ENTPD7: variants seen among roughly 807,000 people sequenced by gnomAD.
ENTPD7 encodes the protein NTPDase 7.
In ENTPD7, 53 loss-of-function variants were observed where a neutral mutation model predicts 77.9. That is an observed-to-expected ratio of 0.68 (90% CI 0.55 to 0.85). ENTPD7 has a LOEUF of 0.85. Among genes scored for constraint, ENTPD7 ranks in the 40% least tolerant of loss-of-function variants. The pLI, the probability that ENTPD7 is intolerant of heterozygous loss-of-function variation, is 0.00. For synonymous variants in ENTPD7, 248 were observed against 274.9 expected (o/e 0.90, Z 0.97); for missense variants, 636 against 743.7 (o/e 0.86, Z 1.68).
At chr10:99,684,527 T>C (rs1441588597) in intron 5 of ENTPD7, among the ~76,000 whole-genome samples, 1 of 152,204 alleles carries the variant, frequency 6.6e-6, no homozygotes, top group Non-Finnish European at 1.5e-5. Flanking sequence ...TTAATATGTA[T>C]AACAATGAAC....
In ENTPD7 at chr10:99,704,679, C is replaced by T. The variant is rs760691867; in HGVS notation, c.1811C>T (p.Pro604Leu). ...VVPMMGVQVG[P>L] ...CCCATGATGGGAGTACAGGTGGGGC[C>T]GTGAGGCTGGACCAGGACTAGAGAA... Residue 604 changes from proline to leucine, a missense_variant, in exon 13 of 13, where the codon CCG becomes CTG. Coordinates refer to ENST00000370489, the MANE Select transcript of ENTPD7 (RefSeq NM_020354.5). 80 of 1,612,634 alleles carry T rather than the reference C, an allele frequency of 5.0e-5. No individual in the cohort carries two copies. In the South Asian group the frequency reaches 8.0e-4, roughly 16 times the overall value.
At chr10:99,686,302 G>T (rs959643968) in intron 6 of ENTPD7, among the ~76,000 whole-genome samples, 1 of 152,112 alleles carries the variant, frequency 6.6e-6, no homozygotes, top group African/African-American at 2.4e-5. Flanking sequence ...TGATCAGAAT[G>T]AGTTACTTTT....
chr10:99,694,538 G>GT (rs150413650), intron 8 of ENTPD7, among the ~76,000 whole-genome samples: 108,785 of 134,368 alleles, frequency 0.81, 44,192 homozygotes, highest in Middle Eastern at 0.88. Context: ...AAGTTTTTTT[G>GT]TTTTTTTTTT....
In ENTPD7 at chr10:99,705,230, G is replaced by A. The variant is rs578102765; in HGVS notation, c.*547G>A. 1 of 158,976 alleles carries A rather than the reference G, an allele frequency of 6.3e-6. No homozygotes were observed. The highest frequency in any genetic ancestry group is 2.4e-5 in the African/African-American group (1 of 41,596). The allele number at this position is 158,976 out of a possible 1,614,324, so 9.8% of individuals were successfully genotyped here. A position where few individuals can be genotyped will look rare whatever the true frequency, so the allele number is the denominator to read the frequency against. On this transcript the variant is annotated 3_prime_UTR_variant, in exon 13 of 13. Transcript: ENST00000370489. ...GGCACCAAAATGATATAACTTCCTT[G>A]CTTCCTTGACAAAGAAGCCATCATG...
chr10:99,679,425 G>A lies in ENTPD7; in HGVS notation c.356G>A (p.Arg119Lys), dbSNP rs2035724033. The change falls in exon 4 of 13, where the codon AGA becomes AAA. Residue 119 changes from arginine to lysine, a missense_variant. Around this residue, in one of 3 missense-constraint regions of ENTPD7, gnomAD observed 486 missense variants for 556.5 expected, o/e 0.87. Transcript: ENST00000370489. ...GACTTGCTGGACATCAAACAGATGAGAGACCGCAACAGCCAACCAGTGGTT... is the reference window on the plus strand; with the variant it reads ...GACTTGCTGGACATCAAACAGATGAAAGACCGCAACAGCCAACCAGTGGTT... ...PHDLLDIKQMRDRNSQPVVKK... is the reference protein window; with the variant it reads ...PHDLLDIKQMKDRNSQPVVKK... The A allele has an allele frequency of 1.2e-6, 2 of 1,613,988 alleles. No individual in the cohort carries two copies.
intron 8 of ENTPD7, 77 bp from the exon 9 acceptor site, chr10:99,695,879 G>A (rs2035964539): frequency 7.4e-6 from 10 of 1,357,620 alleles, no homozygotes; most frequent in South Asian, 2.9e-5. Context: ...ATGAAGCCTC[G>A]TGTATTAGCA....
chr10:99,698,649 AGAG>A lies in ENTPD7; in HGVS notation c.1130_1132del (p.Gly377del). 6.2e-7 allele frequency: 1 copy of A among 1,614,204 alleles called. No individual in the cohort carries two copies. Reference sequence around the variant, plus strand: ...CAGCCAAGTCTTACATGTCCGAGGAAGAGGAGACTGGGTGTCTTGTGGGGCAAT... The same window carrying A: ...CAGCCAAGTCTTACATGTCCGAGGAAGAGACTGGGTGTCTTGTGGGGCAAT... On this transcript the variant is annotated inframe_deletion, in exon 10 of 13. Coordinates refer to ENST00000370489, the MANE Select transcript of ENTPD7 (RefSeq NM_020354.5).
In ENTPD7 at chr10:99,661,563, A is replaced by T; in HGVS notation, c.126A>T (p.Leu42Phe). ...TCTTCTTCATATCCTGTCTCCTTTT[A>T]CTTATGTTAATCATAGACTTTCGAC... Reference protein sequence around the residue: ...LGLFFISCLLLLMLIIDFRHW... With the variant: ...LGLFFISCLLFLMLIIDFRHW... Residue 42 changes from leucine to phenylalanine, a missense_variant, in exon 3 of 13, where the codon TTA (leucine) becomes TTT (phenylalanine). Physicochemically the swap from Leu to Phe is conservative, Grantham distance 22. Around this residue, in one of 3 missense-constraint regions of ENTPD7, gnomAD observed 486 missense variants for 556.5 expected, o/e 0.87. Transcript: ENST00000370489. The T allele has an allele frequency of 6.2e-7, 1 of 1,613,654 alleles. No individual in the cohort carries two copies. The highest frequency in any genetic ancestry group is 8.5e-7 in the Non-Finnish European group (1 of 1,179,888).
In ENTPD7 at chr10:99,659,715, C is replaced by T; in HGVS notation, c.-96+127C>T. 4.1e-6 allele frequency: 2 copies of T among 490,892 alleles called. No homozygotes were observed. Among genetic ancestry groups the T allele is most frequent in the Non-Finnish European group, 7.3e-6 (2 of 274,938 alleles). 30.4% of individuals were successfully genotyped at this position (490,892 alleles called of 1,614,324 possible). ...GCTGGCCCACGAGAACGCCCCGCTC[C>T]CAGGATGCCCGGGTAGGGTCCCCTG... On this transcript the variant is annotated intron_variant, in intron 1 of 12. Coordinates refer to ENST00000370489, the MANE Select transcript of ENTPD7 (RefSeq NM_020354.5). The surrounding 1 kb of genome is among the most constrained non-coding windows in gnomAD (Gnocchi z 4.1).
rs2035904231 is a variant in ENTPD7, at chr10:99,692,767, T to C, written c.843+1249T>C. On this transcript the variant is annotated intron_variant, in intron 8 of 12. Coordinates refer to ENST00000370489, the MANE Select transcript of ENTPD7 (RefSeq NM_020354.5). ...GGGGACTGGCTTTTATTTCCATAGA[T>C]AGTGGAAAACCACCAAAAGTTTTTG... Among the ~76,000 whole-genome samples the C allele has an allele frequency of 2.0e-5, 3 of 152,312 alleles. No homozygotes were observed. The South Asian group carries it at 6.2e-4, about 32-fold the overall frequency.
At chr10:99,696,155 TATA>T (rs2035972086) in intron 9 of ENTPD7, 33 bp downstream of exon 9, 1 of 1,608,034 alleles carries the variant, frequency 6.2e-7, no homozygotes, top group Non-Finnish European at 8.5e-7. Context: ...GTTTCTGAAA[TATA>T]ATGTCAGGCT....
chr10:99,675,500 T>A (rs1462469152), intron 3 of ENTPD7, among the ~76,000 whole-genome samples: 1 of 130,950 alleles, frequency 7.6e-6, no homozygotes. Context: ...TGTAACAGAG[T>A]ATGAAAAGTT....
chr10:99,669,739 G>GTTTTT, intron 3 of ENTPD7, among the ~76,000 whole-genome samples: 1 of 89,438 alleles, frequency 1.1e-5, no homozygotes, highest in African/African-American at 3.9e-5. Flanking sequence ...TTAGATGTGT[G>GTTTTT]GTTTTTTTTT....
intron 11 of ENTPD7, among the ~76,000 whole-genome samples, chr10:99,701,922 C>T (rs907685288): frequency 2.6e-5 from 4 of 151,974 alleles, no homozygotes; most frequent in African/African-American, 7.2e-5. Flanking sequence ...GTGGCAGGTG[C>T]CTGTAATCCC....
intron 9 of ENTPD7, among the ~76,000 whole-genome samples, chr10:99,696,893 C>CA (rs1057416685): frequency 6.6e-6 from 1 of 152,144 alleles, no homozygotes; most frequent in African/African-American, 2.4e-5. Context: ...GGATGGCCAG[C>CA]AGTGCTGAGG....
chr10:99,683,965 A>G (rs2035782424), intron 5 of ENTPD7, among the ~76,000 whole-genome samples: 1 of 152,216 alleles, frequency 6.6e-6, no homozygotes, highest in Non-Finnish European at 1.5e-5. Context: ...ATTAATTTCT[A>G]AAAGTATAAC....
At position 99,710,680 on chromosome 10, in the gene ENTPD7, TATATA is replaced by T; in HGVS notation, c.*5999_*6003del. 9 of 985,450 alleles carry T rather than the reference TATATA, an allele frequency of 9.1e-6. No homozygotes were observed. Among genetic ancestry groups the T allele is most frequent in the Non-Finnish European group, 9.6e-6 (8 of 829,930 alleles). The allele number at this position is 985,450 out of a possible 1,614,324, so 61.0% of individuals were successfully genotyped here. On this transcript the variant is annotated 3_prime_UTR_variant, in exon 13 of 13. Transcript: ENST00000370489. The stretch of plus-strand genomic sequence containing the variant: ...TGGGTATATGTGTTACATATGCTGA[TATATA>T]ACCCACCATTCATCCCAGGACCACA...
rs2036209098 is a variant in ENTPD7 at position 99,704,522 on chromosome 10, T to C, written c.1654T>C (p.Tyr552His). ...CCGTCTCTCCTTTGTATACAACCACTATCTCTTCTTTGCCTGTATCCTGGT... is the reference window on the plus strand; with the variant it reads ...CCGTCTCTCCTTTGTATACAACCACCATCTCTTCTTTGCCTGTATCCTGGT... ...WFRLSFVYNHYLFFACILVVL... is the reference protein window; with the variant it reads ...WFRLSFVYNHHLFFACILVVL... Residue 552 changes from tyrosine (Y) to histidine (H), a missense_variant, in exon 13 of 13, where the codon TAT becomes CAT. Around this residue, in one of 3 missense-constraint regions of ENTPD7, gnomAD observed 138 missense variants for 150.9 expected, o/e 0.91. Coordinates refer to ENST00000370489, the MANE Select transcript of ENTPD7 (RefSeq NM_020354.5). 6.2e-7 allele frequency: 1 copy of C among 1,614,224 alleles called. No individual in the cohort carries two copies. Among genetic ancestry groups the C allele is most frequent in the Non-Finnish European group, 8.5e-7 (1 of 1,180,038 alleles).
At chr10:99,679,520 G>T in intron 4 of ENTPD7, 54 bp downstream of exon 4, 1 of 1,530,604 alleles carries the variant, frequency 6.5e-7, no homozygotes, top group South Asian at 1.3e-5. Context: ...TGAAAGAGGA[G>T]ACAAAAGAAG....
Sources: gnomAD v4.1 joint callset for allele counts (sites outside exome capture counted in the v4.1 genomes callset) on GRCh38, gnomAD v4.1.1 for gene constraint, gnomAD v4.1.1 regional missense constraint, Gnocchi (gnomAD v3.1) non-coding constraint, MANE v1.5 for transcripts, NCBI Gene and HGNC (gene_info 2026-07-23, HGNC 2026-07-21) for gene names.